SOX5: variants seen among roughly 807,000 people sequenced by gnomAD.
SOX5 encodes the protein transcription factor SOX-5.
Under a neutral mutation model 92.0 loss-of-function variants are expected in SOX5, and 9 were observed. That is an observed-to-expected ratio of 0.10 (90% CI 0.06 to 0.17). The LOEUF is 0.17. Ranked by LOEUF, SOX5 falls within the 10% of genes least tolerant of loss-of-function variation. The probability of loss-of-function intolerance (pLI) is 1.00; values close to 1 mark genes in which losing one functional copy is unlikely to be tolerated. For missense variants in SOX5, 642 were observed against 944.5 expected, an observed-to-expected ratio of 0.68 and a Z score of 4.20; for synonymous variants, 344 against 336.3, an observed-to-expected ratio of 1.02 and a Z score of -0.25.
chr12:23,568,474 C>G (rs1174895210), intron 10 of SOX5, among the ~76,000 whole-genome samples: 4 of 152,178 alleles, frequency 2.6e-5, no homozygotes, highest in African/African-American at 9.6e-5. Flanking sequence ...TGTAAAATAA[C>G]TACTGCTTGC....
At chr12:24,336,071 A>T (rs1448153305) in intron 2 of SOX5, among the ~76,000 whole-genome samples, 1 of 144,502 alleles carries the variant, frequency 6.9e-6, no homozygotes, top group Non-Finnish European at 1.5e-5. Flanking sequence ...ATATGGGGAT[A>T]CGTTTTTTTT....
At chr12:23,641,006 A>G (rs545259717) in intron 7 of SOX5, 109 bp from the exon 8 acceptor site, 1 of 693,564 alleles carries the variant, frequency 1.4e-6, no homozygotes, top group African/African-American at 1.8e-5. Flanking sequence ...TGCCTTGCTG[A>G]GGCCTAATGA....
intron 4 of SOX5, among the ~76,000 whole-genome samples, chr12:23,993,550 G>C (rs551940628): frequency 6.6e-6 from 1 of 152,248 alleles, no homozygotes; most frequent in South Asian, 2.1e-4. Flanking sequence ...AGATACCTCT[G>C]TGGTCCAGAT....
intron 4 of SOX5, among the ~76,000 whole-genome samples, chr12:24,116,717 GA>G (rs1423770544): frequency 1.6e-4 from 25 of 152,154 alleles, no homozygotes; most frequent in South Asian, 1.5e-3. Flanking sequence ...ATCATTATAA[GA>G]AATGTAAATG....
At chr12:23,858,069 ATG>A (rs10553341) in intron 2 of SOX5, among the ~76,000 whole-genome samples, 95,825 of 150,472 alleles carry the variant, frequency 0.64, 31,350 homozygotes, top group East Asian at 0.86. Flanking sequence ...ATATGCCTGT[ATG>A]TGTGTGTGTG....
At chr12:24,412,780 CTT>C (rs35640190) in intron 1 of SOX5, among the ~76,000 whole-genome samples, 7 of 132,422 alleles carry the variant, frequency 5.3e-5, no homozygotes, top group East Asian at 2.2e-4. Flanking sequence ...ATTAGATTTT[CTT>C]TTTTTTTTTT....
At chr12:24,370,904 AT>A (rs1956672792) in intron 1 of SOX5, among the ~76,000 whole-genome samples, 1 of 152,144 alleles carries the variant, frequency 6.6e-6, no homozygotes, top group Admixed American at 6.5e-5. Context: ...TGCCTTGTTA[AT>A]TTTTTTAAAC....
rs371268832 is a variant in SOX5, at chr12:23,912,127, T to C, written c.39-16103A>G. On this transcript the variant is annotated intron_variant, in intron 1 of 14. Coordinates refer to ENST00000451604, the MANE Select transcript of SOX5 (RefSeq NM_006940.6). ...ATAAATATATATGCATATACTTATA[T>C]ACATGGAATTATTGTACAACACTTA... is the stretch of plus-strand genomic sequence containing the variant. Among the ~76,000 whole-genome samples, 7 of 152,102 alleles carry C rather than the reference T, an allele frequency of 4.6e-5. No homozygotes were observed. In the South Asian group the frequency reaches 1.4e-3, roughly 32 times the overall value.
At chr12:23,837,278 T>TAAG (rs1568204599) in intron 3 of SOX5, among the ~76,000 whole-genome samples, 35 of 82,154 alleles carry the variant, frequency 4.3e-4, no homozygotes, top group African/African-American at 1.5e-3. Flanking sequence ...ATAATATGTA[T>TAAG]TTATATTTAT....
At chr12:24,027,028 A>G (rs1954966446) in intron 4 of SOX5, among the ~76,000 whole-genome samples, 1 of 152,046 alleles carries the variant, frequency 6.6e-6, no homozygotes, top group Non-Finnish European at 1.5e-5. Flanking sequence ...TACTCAGCCA[A>G]TTCCAATCCA....
At chr12:24,062,941 G>T (rs1229850778) in intron 4 of SOX5, among the ~76,000 whole-genome samples, 1 of 152,170 alleles carries the variant, frequency 6.6e-6, no homozygotes, top group African/African-American at 2.4e-5. Flanking sequence ...ATTTGTGTTT[G>T]TACAGTGATT....
At chr12:23,957,616 A>T (rs755110164) in intron 4 of SOX5, among the ~76,000 whole-genome samples, 16 of 152,220 alleles carry the variant, frequency 1.1e-4, no homozygotes, top group Non-Finnish European at 4.4e-5. Flanking sequence ...AAGAAAACCT[A>T]GTTGTTATAA....
chr12:24,033,322 T>C (rs1382408371), intron 4 of SOX5, among the ~76,000 whole-genome samples: 1 of 151,996 alleles, frequency 6.6e-6, no homozygotes, highest in Non-Finnish European at 1.5e-5. Flanking sequence ...TTTAAGATTT[T>C]AATGAAATAT....
intron 1 of SOX5, among the ~76,000 whole-genome samples, chr12:24,375,342 G>T (rs990484908): frequency 6.6e-6 from 1 of 152,008 alleles, no homozygotes; most frequent in African/African-American, 2.4e-5. Flanking sequence ...GGGCCTGAAC[G>T]GGGAAATGGA....
At chr12:23,937,604 T>C (rs1942855740) in intron 1 of SOX5, among the ~76,000 whole-genome samples, 1 of 150,996 alleles carries the variant, frequency 6.6e-6, no homozygotes, top group African/African-American at 2.4e-5. Flanking sequence ...AACAGTACTT[T>C]ATCTCATAAC....
intron 1 of SOX5, among the ~76,000 whole-genome samples, chr12:23,912,427 CA>C (rs2097361800): frequency 6.6e-6 from 1 of 152,158 alleles, no homozygotes; most frequent in Non-Finnish European, 1.5e-5. Flanking sequence ...CAGCCACTTT[CA>C]AAAACAGTTT....
upstream of SOX5, among the ~76,000 whole-genome samples, chr12:23,953,243 C>G (rs1426886806): frequency 6.6e-6 from 1 of 151,976 alleles, no homozygotes; most frequent in Non-Finnish European, 1.5e-5. Flanking sequence ...ATTAAATGAT[C>G]AAAATGATCC....
chr12:24,442,095 C>T (rs1199103070), intron 1 of SOX5, among the ~76,000 whole-genome samples: 7 of 152,040 alleles, frequency 4.6e-5, no homozygotes, highest in Non-Finnish European at 1.0e-4. Flanking sequence ...TAAGAGAGAA[C>T]GGGTAAATAC....
At chr12:23,774,058 A>G (rs1436958869) in intron 3 of SOX5, among the ~76,000 whole-genome samples, 2 of 152,130 alleles carry the variant, frequency 1.3e-5, no homozygotes, top group African/African-American at 4.8e-5. Context: ...CTCGCCTTAC[A>G]GAGAGAAAAA....
Sources: allele counts gnomAD v4.1 joint callset (sites outside exome capture counted in the v4.1 genomes callset), GRCh38; gene constraint gnomAD v4.1.1; transcripts MANE v1.5; gene names NCBI Gene and HGNC (gene_info 2026-07-23, HGNC 2026-07-21).